USP8: variants seen among roughly 807,000 people sequenced by gnomAD.
The protein encoded by USP8 is ubiquitin specific peptidase 8, also known as ubiquitin carboxyl-terminal hydrolase 8.
In USP8, 27 loss-of-function variants were observed where a neutral mutation model predicts 130.0. The observed-to-expected ratio is 0.21, with a 90% CI of 0.15 to 0.29. USP8 has a LOEUF of 0.29. USP8 is among the 10% of genes least tolerant of loss of function. USP8 has a pLI of 1.00. For missense variants in USP8, 1,029 were observed against 1,312.2 expected (o/e 0.78, Z 3.33); for synonymous variants, 392 against 444.1 (o/e 0.88, Z 1.48).
rs748620614 is a variant in USP8, at chr15:50,439,180, A to G, written c.104+3A>G. The G allele has an allele frequency of 1.7e-5, 25 of 1,489,308 alleles. No individual in the cohort carries two copies. The highest frequency in any genetic ancestry group is 2.3e-5 in the Admixed American group (1 of 43,124). 92.3% of individuals were successfully genotyped at this position (1,489,308 alleles called of 1,614,324 possible). On this transcript the variant is annotated splice_donor_region_variant and intron_variant, in intron 2 of 19. Transcript: ENST00000307179. ...CCAGAGAAAATAAGCACTAAGAGGT[A>G]TGATGTATCCTTCGCTAGTTTGATT...
chr15:50,432,617 G>A (rs1285701635), intron 1 of USP8: 3 of 152,318 alleles, frequency 2.0e-5, no homozygotes, highest in East Asian at 3.9e-4. Flanking sequence ...TTACATTGCT[G>A]TAGTGTGAGA....
In USP8 at chr15:50,463,106, G is replaced by A. The variant is rs576628636; in HGVS notation, c.541+784G>A. ...TCTACAAAAAATACAAAAATTAGCT[G>A]GGTGTGGTGGTGGATGCCCTTAGTC... On this transcript the variant is annotated intron_variant, in intron 6 of 19. Coordinates refer to ENST00000307179, the MANE Select transcript of USP8 (RefSeq NM_005154.5). 2.0e-5 allele frequency among the ~76,000 whole-genome samples: 3 copies of A among 152,194 alleles called. No homozygotes were observed. The East Asian group carries it at 5.8e-4, about 29-fold the overall frequency.
intron 4 of USP8, among the ~76,000 whole-genome samples, chr15:50,451,741 G>A (rs2050635244): frequency 2.6e-5 from 4 of 152,158 alleles, no homozygotes; most frequent in Admixed American, 2.6e-4. Flanking sequence ...TATCTGTCCT[G>A]TCCTAATTCT....
At chr15:50,426,325 T>C (rs543818680) in intron 1 of USP8, among the ~76,000 whole-genome samples, 1 of 152,318 alleles carries the variant, frequency 6.6e-6, no homozygotes, top group East Asian at 1.9e-4. Flanking sequence ...CTAATAAAAT[T>C]AGATATAATT....
At chr15:50,457,516 G>A (rs1053061537) in intron 4 of USP8, among the ~76,000 whole-genome samples, 1 of 150,636 alleles carries the variant, frequency 6.6e-6, no homozygotes, top group Non-Finnish European at 1.5e-5. Context: ...TGAGATCATG[G>A]GACTGTACCC....
chr15:50,497,205 A>G lies in USP8; in HGVS notation c.3012A>G (p.Pro1004=). 6.2e-7 allele frequency: 1 copy of G among 1,609,834 alleles called. No homozygotes were observed. The highest frequency in any genetic ancestry group is 1.3e-5 in the African/African-American group (1 of 74,716). Residue 1004 remains proline (P), a synonymous_variant, in exon 18 of 20, where the codon CCA becomes CCG. Transcript: ENST00000307179. ...SLKKIEIWKL[P]PVLLVHLKRF... is the part of the protein sequence containing the mutation. The stretch of plus-strand genomic sequence containing the variant: ...AAAAGATAGAAATCTGGAAGTTACC[A>G]CCTGTGCTTTTAGTGCATCTGAAAC...
rs1320529468 is a variant in USP8 at position 50,501,065 on chromosome 15, A to C, written c.*1977A>C. On this transcript the variant is annotated 3_prime_UTR_variant, in exon 20 of 20. Coordinates refer to ENST00000307179, the MANE Select transcript of USP8 (RefSeq NM_005154.5). Reference sequence around the variant, plus strand: ...ATTGACTATCATCTGTGAATAAAGAAAGACAATATTTAGCAGCATCTGATT... The same window carrying C: ...ATTGACTATCATCTGTGAATAAAGACAGACAATATTTAGCAGCATCTGATT... 4 of 470,292 alleles carry C rather than the reference A, an allele frequency of 8.5e-6. No individual in the cohort carries two copies. Among genetic ancestry groups the C allele is most frequent in the African/African-American group, 2.0e-5 (1 of 51,144 alleles). 29.1% of individuals were successfully genotyped at this position (470,292 alleles called of 1,614,324 possible). A position where few individuals can be genotyped will look rare whatever the true frequency, so the allele number is the denominator to read the frequency against.
In USP8 at chr15:50,506,089, T is replaced by TTTAGTAA. The variant is rs2141344667; in HGVS notation, c.*7003_*7004insAGTAATT. 6.6e-6 allele frequency: 1 copy of TTTAGTAA among 152,364 alleles called. No homozygotes were observed. Among genetic ancestry groups the TTTAGTAA allele is most frequent in the African/African-American group, 2.4e-5 (1 of 41,584 alleles). 9.4% of individuals were successfully genotyped at this position (152,364 alleles called of 1,614,324 possible). ...AGGCTTTAAGTATGAAAGCTGTCGT[T>TTTAGTAA]TTTTAGCATAATTACTAAAGAATCA... On this transcript the variant is annotated 3_prime_UTR_variant, in exon 20 of 20. Coordinates refer to ENST00000307179, the MANE Select transcript of USP8 (RefSeq NM_005154.5).
chr15:50,500,668 A>G lies in USP8; in HGVS notation c.*1580A>G, dbSNP rs546764284. ...TTTTCCTGGCTCTTAACGCTTTTGTATTGGTATGGAAAAGGGCTGGCAGCT... is the reference window on the plus strand; with the variant it reads ...TTTTCCTGGCTCTTAACGCTTTTGTGTTGGTATGGAAAAGGGCTGGCAGCT... On this transcript the variant is annotated 3_prime_UTR_variant, in exon 20 of 20. Coordinates refer to ENST00000307179, the MANE Select transcript of USP8 (RefSeq NM_005154.5). 7.8e-6 allele frequency: 9 copies of G among 1,147,690 alleles called. No individual in the cohort carries two copies. The South Asian group carries it at 1.2e-4, about 15-fold the overall frequency. The allele number at this position is 1,147,690 out of a possible 1,614,324, so 71.1% of individuals were successfully genotyped here.
intron 1 of USP8, 166 bp downstream of exon 1, chr15:50,424,680 G>C (rs551897722): frequency 1.0e-5 from 4 of 394,924 alleles, no homozygotes; most frequent in Non-Finnish European, 1.8e-5. Context: ...GGAGAGGAAA[G>C]GCCCAACCTT....
intron 11 of USP8, among the ~76,000 whole-genome samples, chr15:50,483,868 G>T (rs2051859704): frequency 6.6e-6 from 1 of 151,784 alleles, no homozygotes. Context: ...CTATTGGTCT[G>T]TATCTTAATT....
Position 50,505,177 on chromosome 15 carries a change from A to G in USP8, c.*6089A>G, listed in dbSNP as rs2052642187. ...TTAAAAGTGATAATGGCTGAAAATG[A>G]TTAATGAGACATGAATCTTCACATT... On this transcript the variant is annotated 3_prime_UTR_variant, in exon 20 of 20. Transcript: ENST00000307179. 6.6e-6 allele frequency: 1 copy of G among 152,146 alleles called. No individual in the cohort carries two copies. Among genetic ancestry groups the G allele is most frequent in the African/African-American group, 2.4e-5 (1 of 41,434 alleles). The allele number at this position is 152,146 out of a possible 1,614,324, so 9.4% of individuals were successfully genotyped here.
chr15:50,495,219 C>T (rs2052331397), intron 16 of USP8, among the ~76,000 whole-genome samples: 1 of 138,002 alleles, frequency 7.2e-6, no homozygotes, highest in Non-Finnish European at 1.6e-5. Flanking sequence ...CACACCTACA[C>T]AAAAATATTT....
chr15:50,490,594 C>A, intron 14 of USP8, 69 bp downstream of exon 14: 2 of 1,550,848 alleles, frequency 1.3e-6, no homozygotes, highest in South Asian at 1.2e-5. Flanking sequence ...CTGAATCTGT[C>A]AGTATGTTAG....
chr15:50,443,466 A>C (rs555397066), intron 3 of USP8, among the ~76,000 whole-genome samples: 1 of 151,912 alleles, frequency 6.6e-6, no homozygotes, highest in African/African-American at 2.4e-5. Context: ...TATTCTAATA[A>C]TAGTTACTAG....
chr15:50,485,630 A>T (rs80230491), intron 12 of USP8, among the ~76,000 whole-genome samples: 3,565 of 124,302 alleles, frequency 0.029, 71 homozygotes, highest in Non-Finnish European at 0.038. Context: ...ATTTTAGAAC[A>T]TTGCCGTCAC....
At chr15:50,498,118 A>T in intron 18 of USP8, among the ~76,000 whole-genome samples, 1 of 152,322 alleles carries the variant, frequency 6.6e-6, no homozygotes, top group South Asian at 2.1e-4. Flanking sequence ...CAACCAAGAT[A>T]TCATTGTTTT....
rs1485649178 is a variant in USP8 at position 50,489,934 on chromosome 15, T to C, written c.1971+53T>C. On this transcript the variant is annotated intron_variant, in intron 13 of 19. Transcript: ENST00000307179. Reference sequence around the variant, plus strand: ...GCCACTGTGTTCCTAAAAAATGTTTTATTTGTTTATTTTACATCTTCTGTA... The same window carrying C: ...GCCACTGTGTTCCTAAAAAATGTTTCATTTGTTTATTTTACATCTTCTGTA... 9.2e-6 allele frequency: 13 copies of C among 1,409,418 alleles called. No homozygotes were observed. In the Admixed American group the frequency reaches 1.9e-4, roughly 20 times the overall value. The allele number at this position is 1,409,418 out of a possible 1,614,324, so 87.3% of individuals were successfully genotyped here.
At chr15:50,490,637 A>G (rs1472338168) in intron 14 of USP8, 112 bp downstream of exon 14, 2 of 1,328,716 alleles carry the variant, frequency 1.5e-6, no homozygotes, top group Admixed American at 2.6e-5. Context: ...GTGGATGGCT[A>G]TACCAGCCGT....
Sources: gnomAD v4.1 joint callset for allele counts (sites outside exome capture counted in the v4.1 genomes callset) on GRCh38, gnomAD v4.1.1 for gene constraint, MANE v1.5 for transcripts, NCBI Gene and HGNC (gene_info 2026-07-23, HGNC 2026-07-21) for gene names.